Variants in RPH3A observed in about 807,000 individuals in gnomAD.
The protein encoded by RPH3A is rabphilin-3A.
RPH3A carries 48 observed loss-of-function variants against 102.2 expected under a neutral mutation model. The observed-to-expected ratio is 0.47, with a 90% CI of 0.37 to 0.60. RPH3A has a LOEUF of 0.60. Ranked by LOEUF, RPH3A falls within the 20% of genes least tolerant of loss-of-function variation. RPH3A has a pLI of 0.00. For missense variants in RPH3A, 781 were observed against 910.1 expected (o/e 0.86, Z 1.83); for synonymous variants, 310 against 324.3 (o/e 0.96, Z 0.47).
chr12:112,827,923 A>T (rs1439236728), intron 2 of RPH3A, among the ~76,000 whole-genome samples: 1 of 150,994 alleles, frequency 6.6e-6, no homozygotes, highest in Admixed American at 6.6e-5. Flanking sequence ...AAAAAAAGGC[A>T]GGGATGACTC....
chr12:112,855,999 T>C (rs1261624665), intron 5 of RPH3A, among the ~76,000 whole-genome samples: 1 of 152,018 alleles, frequency 6.6e-6, no homozygotes, highest in Non-Finnish European at 1.5e-5. Flanking sequence ...CTTTGCTGCG[T>C]TTTTCTGAAT....
chr12:112,842,595 G>A (rs1302295103), intron 4 of RPH3A, among the ~76,000 whole-genome samples: 4 of 152,214 alleles, frequency 2.6e-5, no homozygotes, highest in Admixed American at 2.6e-4. Context: ...CAGCCACCAG[G>A]TCTGCTTAGG....
intron 1 of RPH3A, among the ~76,000 whole-genome samples, chr12:112,631,071 A>G (rs2039800442): frequency 6.6e-6 from 1 of 152,114 alleles, no homozygotes; most frequent in South Asian, 2.1e-4. Flanking sequence ...GCTTGCATCT[A>G]TCTGTAGAGT....
chr12:112,845,062 T>G (rs2042207100), intron 4 of RPH3A, among the ~76,000 whole-genome samples: 1 of 152,210 alleles, frequency 6.6e-6, no homozygotes, highest in Non-Finnish European at 1.5e-5. Flanking sequence ...CTTCAGTGTC[T>G]TTTATGACTT....
chr12:112,640,014 C>T lies in RPH3A; in HGVS notation c.-140+64695C>T, dbSNP rs193267847. ...TCATACAGCTGGGAAATAGTGGAGCCGGGGTTCAAAGCAGGGCTCTGGCTG... is the reference window on the plus strand; with the variant it reads ...TCATACAGCTGGGAAATAGTGGAGCTGGGGTTCAAAGCAGGGCTCTGGCTG... On this transcript the variant is annotated intron_variant, in intron 1 of 21. Coordinates refer to the RPH3A transcript ENST00000543106. Among the ~76,000 whole-genome samples, 120 of 151,970 alleles carry T rather than the reference C, an allele frequency of 7.9e-4. No homozygotes were observed. The South Asian group carries it at 9.8e-3, about 12-fold the overall frequency.
chr12:112,792,625 G>T (rs1175825606), intron 2 of RPH3A, among the ~76,000 whole-genome samples: 1 of 152,220 alleles, frequency 6.6e-6, no homozygotes, highest in Non-Finnish European at 1.5e-5. Context: ...AGCATGGAGG[G>T]ACTCTGGGTA....
At chr12:112,826,522 T>G (rs567936528) in intron 2 of RPH3A, among the ~76,000 whole-genome samples, 2 of 152,290 alleles carry the variant, frequency 1.3e-5, no homozygotes, top group South Asian at 2.1e-4. Flanking sequence ...ACCTGGTTAG[T>G]GGCCACCCAG....
At chr12:112,876,126 G>A (rs2042793979) in intron 12 of RPH3A, among the ~76,000 whole-genome samples, 1 of 152,112 alleles carries the variant, frequency 6.6e-6, no homozygotes, top group South Asian at 2.1e-4. Flanking sequence ...ACCTTGGTGG[G>A]TGGCCTGGAA....
chr12:112,869,729 C>G (rs374612736), intron 8 of RPH3A, 30 bp from the exon 9 acceptor site: 1 of 1,612,306 alleles, frequency 6.2e-7, no homozygotes, highest in Non-Finnish European at 8.5e-7. Flanking sequence ...AAAACCAGTA[C>G]TCCTCATAAT....
intron 1 of RPH3A, among the ~76,000 whole-genome samples, chr12:112,766,888 A>T (rs141780875): frequency 2.0e-5 from 3 of 152,182 alleles, no homozygotes; most frequent in Non-Finnish European, 4.4e-5. Flanking sequence ...GACTGGACCC[A>T]GGTGAGTGGG....
chr12:112,810,294 A>G (rs1396794618), intron 2 of RPH3A, among the ~76,000 whole-genome samples: 1 of 152,204 alleles, frequency 6.6e-6, no homozygotes, highest in Non-Finnish European at 1.5e-5. Flanking sequence ...ATTTTATTGT[A>G]GAAACTAAAC....
At chr12:112,871,670 A>G (rs1423493868) in intron 10 of RPH3A, among the ~76,000 whole-genome samples, 1 of 151,550 alleles carries the variant, frequency 6.6e-6, no homozygotes, top group East Asian at 1.9e-4. Flanking sequence ...TAAATTAAGA[A>G]TACACAATAT....
chr12:112,676,166 G>C (rs2040172999), intron 1 of RPH3A, among the ~76,000 whole-genome samples: 2 of 152,112 alleles, frequency 1.3e-5, no homozygotes, highest in South Asian at 4.2e-4. Flanking sequence ...TTGGCAGAAT[G>C]GACCTGAAGC....
In RPH3A at chr12:112,869,885, C is replaced by G. The variant is rs180930503; in HGVS notation, c.650-8C>G. The G allele has an allele frequency of 8.1e-6, 13 of 1,614,106 alleles. No individual in the cohort carries two copies. In the Admixed American group the frequency reaches 1.2e-4, roughly 14 times the overall value. ...CTTTCTCTACTCAATTCATGCTCTT[C>G]TTTCCAGGCCCTGACCCAGCCTCTG... On this transcript the variant is annotated splice_polypyrimidine_tract_variant and splice_region_variant and intron_variant, in intron 9 of 21. Coordinates refer to ENST00000389385, the MANE Select transcript of RPH3A (RefSeq NM_001143854.2).
Position 112,865,407 on chromosome 12 carries a change from C to G in RPH3A, c.231-7C>G. The stretch of plus-strand genomic sequence containing the variant: ...AAGGTCCTTATTTACCTTGTCTCTG[C>G]TTCCAGACGCCTGGTGGACCGCCTA... On this transcript the variant is annotated splice_polypyrimidine_tract_variant and splice_region_variant and intron_variant, in intron 5 of 21. Transcript: ENST00000389385. 1 of 1,613,444 alleles carries G rather than the reference C, an allele frequency of 6.2e-7. No homozygotes were observed. Among genetic ancestry groups the G allele is most frequent in the Non-Finnish European group, 8.5e-7 (1 of 1,179,652 alleles).
rs1565882498 is a variant in RPH3A at position 112,791,903 on chromosome 12, A to AGAGAGAGAGAGAGAGAGAGAGG, written c.-247_-246insGAGAGAGAGAGAGAGAGAGGGA. On this transcript the variant is annotated 5_prime_UTR_variant, in exon 1 of 22. Transcript: ENST00000389385. Reference sequence around the variant, plus strand: ...GAGAGAGAGAGAGAGAGAGAGAGAGAGACTCACAGAGCTAAAACCTTCATC... The same window carrying AGAGAGAGAGAGAGAGAGAGAGG: ...GAGAGAGAGAGAGAGAGAGAGAGAGAGAGAGAGAGAGAGAGAGAGAGGGACTCACAGAGCTAAAACCTTCATC... 4.7e-5 allele frequency: 7 copies of AGAGAGAGAGAGAGAGAGAGAGG among 150,206 alleles called. No homozygotes were observed. Among genetic ancestry groups the AGAGAGAGAGAGAGAGAGAGAGG allele is most frequent in the Non-Finnish European group, 7.4e-5 (5 of 67,194 alleles). The allele number at this position is 150,206 out of a possible 1,614,324, so 9.3% of individuals were successfully genotyped here.
At chr12:112,651,327 T>C (rs2039973774) in intron 1 of RPH3A, among the ~76,000 whole-genome samples, 1 of 151,574 alleles carries the variant, frequency 6.6e-6, no homozygotes, top group Admixed American at 6.6e-5. Context: ...GATTGCACCA[T>C]TGCACCACCC....
chr12:112,777,729 T>C (rs2040978262), intron 1 of RPH3A, among the ~76,000 whole-genome samples: 1 of 152,226 alleles, frequency 6.6e-6, no homozygotes, highest in South Asian at 2.1e-4. Flanking sequence ...TTGTTTATTT[T>C]TACTTCCAAA....
At chr12:112,785,883 A>G (rs920194349) in intron 1 of RPH3A, among the ~76,000 whole-genome samples, 1 of 152,186 alleles carries the variant, frequency 6.6e-6, no homozygotes, top group Non-Finnish European at 1.5e-5. Context: ...TTTTCACTGC[A>G]TTCCTTGAGG....
Sources: gnomAD v4.1 joint callset for allele counts (sites outside exome capture counted in the v4.1 genomes callset) on GRCh38, gnomAD v4.1.1 for gene constraint, MANE v1.5 for transcripts, NCBI Gene and HGNC (gene_info 2026-07-23, HGNC 2026-07-21) for gene names.